Variants in HIP1 observed in about 807,000 individuals in gnomAD.
The protein encoded by HIP1 is huntingtin interacting protein 1.
HIP1 carries 65 observed loss-of-function variants against 147.6 expected under a neutral mutation model. The ratio of observed to expected loss-of-function variants is 0.44; its 90% CI spans 0.36 to 0.54. The LOEUF (loss-of-function observed/expected upper bound fraction) is 0.54, where lower values mean the gene tolerates loss of function less well. Ranked by LOEUF, HIP1 falls within the 20% of genes least tolerant of loss-of-function variation. The probability of loss-of-function intolerance (pLI) is 0.00; values close to 1 mark genes in which losing one functional copy is unlikely to be tolerated. For synonymous variants in HIP1, 479 were observed against 504.0 expected, an observed-to-expected ratio of 0.95 and a Z score of 0.67; for missense variants, 1,061 against 1,299.6, an observed-to-expected ratio of 0.82 and a Z score of 2.82.
At chr7:75,611,907 C>T in intron 1 of HIP1, 12 of 1,004,808 alleles carry the variant, frequency 1.2e-5, no homozygotes, top group Non-Finnish European at 1.4e-5. Flanking sequence ...CAGCACTCCC[C>T]ATCCTCCGCT....
chr7:75,665,195 G>C (rs1367908441), intron 1 of HIP1, among the ~76,000 whole-genome samples: 1 of 152,122 alleles, frequency 6.6e-6, no homozygotes, highest in East Asian at 1.9e-4. Flanking sequence ...CCAGGAGTTG[G>C]AGGCTACAGT....
At chr7:75,689,040 G>T (rs188121535) in intron 1 of HIP1, among the ~76,000 whole-genome samples, 1 of 152,246 alleles carries the variant, frequency 6.6e-6, no homozygotes, top group Non-Finnish European at 1.5e-5. Context: ...AGAGACACAG[G>T]TGGGCCTCGA....
At chr7:75,614,843 G>T (rs587758828) in intron 1 of HIP1, among the ~76,000 whole-genome samples, 4 of 151,840 alleles carry the variant, frequency 2.6e-5, no homozygotes, top group Non-Finnish European at 5.9e-5. Context: ...GCGCGATCTC[G>T]GCGCATTGCA....
intron 1 of HIP1, among the ~76,000 whole-genome samples, chr7:75,680,698 C>T (rs1800036046): frequency 6.6e-6 from 1 of 152,120 alleles, no homozygotes; most frequent in Non-Finnish European, 1.5e-5. Context: ...CAACCTCCGC[C>T]TCCCGGGTTC....
At chr7:75,583,756 T>TTGTGTGTGTGTGTGTGTGTGTGTG (rs60640180) in intron 5 of HIP1, among the ~76,000 whole-genome samples, 1 of 115,406 alleles carries the variant, frequency 8.7e-6, no homozygotes, top group South Asian at 3.2e-4. Flanking sequence ...GCGGGCTAAT[T>TTGTGTGTGTGTGTGTGTGTGTGTG]TGTGTGTGTG....
At position 75,592,355 on chromosome 7, in the gene HIP1, T is replaced by C. The variant is rs2116971467; in HGVS notation, c.327+17A>G. The C allele has an allele frequency of 1.3e-6, 2 of 1,595,372 alleles. No homozygotes were observed. The highest frequency in any genetic ancestry group is 1.4e-5 in the African/African-American group (1 of 73,994). On this transcript the variant is annotated intron_variant, in intron 3 of 30. Transcript: ENST00000336926. ...GGATCCCTGGCTCCCTGCCACCCCA[T>C]AGCCCCAGGAACTCACGTTCGGGTG...
In HIP1 at chr7:75,592,730, G is replaced by A. The variant is rs587763491; in HGVS notation, c.185-216C>T. On this transcript the variant is annotated intron_variant, in intron 2 of 30. Coordinates refer to ENST00000336926, the MANE Select transcript of HIP1 (RefSeq NM_005338.7). ...TGGTTGGCAGTGCCTTGGAGGGAGC[G>A]CCGCTCAGAGCTAAGACACCACAGA... Among the ~76,000 whole-genome samples, 9 of 152,268 alleles carry A rather than the reference G, an allele frequency of 5.9e-5. No homozygotes were observed. The East Asian group carries it at 1.4e-3, about 23-fold the overall frequency.
intron 1 of HIP1, among the ~76,000 whole-genome samples, chr7:75,720,317 T>A (rs1202263001): frequency 6.6e-6 from 1 of 152,048 alleles, no homozygotes; most frequent in Non-Finnish European, 1.5e-5. Context: ...CCTGCCATCA[T>A]GCCTGGCTAA....
chr7:75,660,052 A>C lies in HIP1; in HGVS notation c.121-60805T>G, dbSNP rs112053587. Among the ~76,000 whole-genome samples the C allele has an allele frequency of 2.2e-3, 326 of 150,460 alleles. 1 individual carries two copies. The highest frequency in any genetic ancestry group is 7.2e-3 in the African/African-American group (294 of 40,940). On this transcript the variant is annotated intron_variant, in intron 1 of 30. Coordinates refer to ENST00000336926, the MANE Select transcript of HIP1 (RefSeq NM_005338.7). Reference sequence around the variant, plus strand: ...GAGGCGGAAGAATCGCGTGAACCGGAGAAGCGGAGGTTGCACTGAGCCGAG... The same window carrying C: ...GAGGCGGAAGAATCGCGTGAACCGGCGAAGCGGAGGTTGCACTGAGCCGAG...
chr7:75,540,486 T>C (rs1160214275), intron 29 of HIP1, among the ~76,000 whole-genome samples: 1 of 151,270 alleles, frequency 6.6e-6, no homozygotes, highest in Non-Finnish European at 1.5e-5. Context: ...GGTGTGTATC[T>C]GTAGTCCCAG....
chr7:75,557,512 T>G lies in HIP1; in HGVS notation c.1581+142A>C, dbSNP rs587673461. ...CACTGGTGACGGTGTTTTGCTGTTC[T>G]GTGTGGCCACCATGGTGTGCTCCCT... On this transcript the variant is annotated intron_variant, in intron 16 of 30. Transcript: ENST00000336926. The G allele has an allele frequency of 8.7e-5, 62 of 713,824 alleles. No individual in the cohort carries two copies. The Admixed American group carries it at 1.2e-3, about 13-fold the overall frequency. The allele number at this position is 713,824 out of a possible 1,614,324, so 44.2% of individuals were successfully genotyped here. A position where few individuals can be genotyped will look rare whatever the true frequency, so the allele number is the denominator to read the frequency against.
intron 1 of HIP1, among the ~76,000 whole-genome samples, chr7:75,695,192 C>T (rs1332615840): frequency 1.3e-5 from 2 of 152,166 alleles, no homozygotes; most frequent in African/African-American, 2.4e-5. Flanking sequence ...AGCTCATCAG[C>T]GGGCAAACTC....
chr7:75,581,349 G>C (rs942352286), intron 6 of HIP1, 51 bp from the exon 7 acceptor site: 1 of 1,410,370 alleles, frequency 7.1e-7, no homozygotes, highest in Non-Finnish European at 1.0e-6. Flanking sequence ...AGGCCGGTCT[G>C]TTACCTGTCC....
In HIP1 at chr7:75,680,289, C is replaced by T. The variant is rs532391059; in HGVS notation, c.120+58512G>A. ...AAACTCCTGAGCTCAGGCAATTGCC[C>T]GCCTCGGCCTCCCAAAGTGCTAGGA... On this transcript the variant is annotated intron_variant, in intron 1 of 30. Coordinates refer to ENST00000336926, the MANE Select transcript of HIP1 (RefSeq NM_005338.7). Among the ~76,000 whole-genome samples the T allele has an allele frequency of 2.6e-5, 4 of 152,068 alleles. No individual in the cohort carries two copies. In the South Asian group the frequency reaches 8.3e-4, roughly 32 times the overall value.
chr7:75,537,494 G>A lies in HIP1; in HGVS notation c.*678C>T, dbSNP rs1171835840. ...AGCCCCAGGGGTGTGCCCTTTGGGA[G>A]AGTTGGCTATGTGAGTGAAACTTAA... On this transcript the variant is annotated 3_prime_UTR_variant, in exon 31 of 31. Coordinates refer to ENST00000336926, the MANE Select transcript of HIP1 (RefSeq NM_005338.7). The A allele has an allele frequency of 4.3e-6, 1 of 231,562 alleles. No homozygotes were observed. Among genetic ancestry groups the A allele is most frequent in the Non-Finnish European group, 8.5e-6 (1 of 117,304 alleles). The allele number at this position is 231,562 out of a possible 1,614,324, so 14.3% of individuals were successfully genotyped here.
At chr7:75,712,825 TTCAG>T (rs782394026) in intron 1 of HIP1, among the ~76,000 whole-genome samples, 15 of 152,158 alleles carry the variant, frequency 9.9e-5, no homozygotes, top group Non-Finnish European at 2.1e-4. Flanking sequence ...TACTCATGCA[TTCAG>T]TCACTCATCC....
At chr7:75,663,130 T>C (rs1554513884) in intron 1 of HIP1, among the ~76,000 whole-genome samples, 1 of 152,228 alleles carries the variant, frequency 6.6e-6, no homozygotes, top group Admixed American at 6.5e-5. Flanking sequence ...TGATCATCTG[T>C]TCTGGTACAA....
At chr7:75,732,109 G>A (rs1021987920) in intron 1 of HIP1, among the ~76,000 whole-genome samples, 6 of 152,072 alleles carry the variant, frequency 3.9e-5, no homozygotes, top group Non-Finnish European at 8.8e-5. Flanking sequence ...TTTGCCATTT[G>A]GTTGTGAAGT....
chr7:75,730,239 A>G (rs1419555234), intron 1 of HIP1, among the ~76,000 whole-genome samples: 1 of 152,072 alleles, frequency 6.6e-6, no homozygotes, highest in African/African-American at 2.4e-5. Context: ...CCCCAAGCAT[A>G]AGGAGGAAGA....
Sources: gnomAD v4.1 joint callset for allele counts (sites outside exome capture counted in the v4.1 genomes callset) on GRCh38, gnomAD v4.1.1 for gene constraint, MANE v1.5 for transcripts, NCBI Gene and HGNC (gene_info 2026-07-23, HGNC 2026-07-21) for gene names.